The following TNS1 variants were observed in gnomAD, a reference collection of about 807,000 sequenced individuals.
The protein encoded by TNS1 is tensin 1.
Under a neutral mutation model 168.6 loss-of-function variants are expected in TNS1, and 62 were observed. The observed-to-expected ratio is 0.37, with a 90% confidence interval of 0.30 to 0.45. TNS1 has a LOEUF of 0.45. TNS1 is among the 20% of genes least tolerant of loss of function. TNS1 has a pLI of 1.00. For synonymous variants in TNS1, 934 were observed against 933.2 expected, an observed-to-expected ratio of 1.00 and a Z score of -0.02; for missense variants, 2,240 against 2,339.4, an observed-to-expected ratio of 0.96 and a Z score of 0.88.
chr2:218,013,521 T>G (rs1189868136), upstream of TNS1, among the ~76,000 whole-genome samples: 2 of 152,150 alleles, frequency 1.3e-5, no homozygotes, highest in African/African-American at 4.8e-5. Flanking sequence ...GGTCCAACAG[T>G]GGCCCCCAGC....
chr2:217,973,463 C>T (rs140258437), intron 3 of TNS1, among the ~76,000 whole-genome samples: 26 of 152,010 alleles, frequency 1.7e-4, no homozygotes, highest in African/African-American at 4.8e-4. Flanking sequence ...AGATAAGGAC[C>T]CCAATGAGGG....
chr2:217,928,834 C>T (rs1956169235), intron 3 of TNS1, among the ~76,000 whole-genome samples: 1 of 152,214 alleles, frequency 6.6e-6, no homozygotes, highest in Non-Finnish European at 1.5e-5. Flanking sequence ...CACTGACCCC[C>T]CAGCCCACTG....
chr2:217,851,311 A>G (rs1448967043), intron 18 of TNS1, among the ~76,000 whole-genome samples: 3 of 152,160 alleles, frequency 2.0e-5, no homozygotes, highest in African/African-American at 7.2e-5. Context: ...CCATGGCCAA[A>G]AACAAGTGAT....
At chr2:217,947,524 T>C (rs1957140572) in intron 3 of TNS1, among the ~76,000 whole-genome samples, 1 of 151,156 alleles carries the variant, frequency 6.6e-6, no homozygotes. Context: ...AGGAAAGAGA[T>C]GGAGCTGGGG....
intron 3 of TNS1, among the ~76,000 whole-genome samples, chr2:217,929,327 G>C (rs575649231): frequency 6.6e-6 from 1 of 152,208 alleles, no homozygotes; most frequent in Non-Finnish European, 1.5e-5. Context: ...AGCTGGGAGA[G>C]GTGAGGCTGC....
At chr2:217,900,643 C>T (rs1216184473) in intron 6 of TNS1, 131 bp from the exon 7 acceptor site, 1 of 994,108 alleles carries the variant, frequency 1.0e-6, no homozygotes, top group Non-Finnish European at 1.5e-6. Context: ...CCCTGCCACC[C>T]TAACCCCTGC....
intron 16 of TNS1, among the ~76,000 whole-genome samples, chr2:217,882,687 A>T (rs531696676): frequency 6.6e-6 from 1 of 152,048 alleles, no homozygotes; most frequent in Admixed American, 6.5e-5. Flanking sequence ...TACCTCTAAG[A>T]CTCTAAATAA....
chr2:217,959,683 A>G (rs1379337516), intron 3 of TNS1, among the ~76,000 whole-genome samples: 1 of 152,154 alleles, frequency 6.6e-6, no homozygotes, highest in Admixed American at 6.5e-5. Flanking sequence ...TATTATTATT[A>G]TTATTATGGA....
At chr2:217,887,947 C>T (rs1951369204) in intron 12 of TNS1, among the ~76,000 whole-genome samples, 1 of 152,182 alleles carries the variant, frequency 6.6e-6, no homozygotes, top group Admixed American at 6.5e-5. Context: ...CTGCAGGAGC[C>T]AATAGTAGCT....
chr2:217,916,553 T>C (rs903993953), intron 4 of TNS1, among the ~76,000 whole-genome samples: 4 of 152,112 alleles, frequency 2.6e-5, no homozygotes, highest in East Asian at 1.9e-4. Flanking sequence ...GGATCAGGAG[T>C]GTCCGTGGCA....
Position 217,818,069 on chromosome 2 carries a change from C to G in TNS1, c.4263G>C (p.Leu1421Phe). Residue 1421 changes from leucine (L) to phenylalanine (F), a missense_variant, in exon 24 of 33, where the codon TTG becomes TTC. By Grantham distance (22) the Leu-to-Phe change is conservative. This residue lies in a region of TNS1 where 2,131 missense variants were observed against 2,171.2 expected (regional missense o/e 0.98). Coordinates refer to ENST00000682258, the MANE Select transcript of TNS1 (RefSeq NM_001387777.1). Reference protein sequence around the residue: ...SGSVVPGSPCLDRHVAYGGYS... With the variant: ...SGSVVPGSPCFDRHVAYGGYS... ...AGCCACCATAGGCCACATGCCGGTCCAAGCAGGGGCTGCCGGGAACCACAG... is the reference window on the plus strand; with the variant it reads ...AGCCACCATAGGCCACATGCCGGTCGAAGCAGGGGCTGCCGGGAACCACAG... 6.2e-7 allele frequency: 1 copy of G among 1,611,900 alleles called. No individual in the cohort carries two copies. Among genetic ancestry groups the G allele is most frequent in the Non-Finnish European group, 8.5e-7 (1 of 1,179,006 alleles).
In TNS1 at chr2:217,813,910, T is replaced by C; in HGVS notation, c.4730-94A>G. 2 of 1,392,022 alleles carry C rather than the reference T, an allele frequency of 1.4e-6. No homozygotes were observed. Among genetic ancestry groups the C allele is most frequent in the South Asian group, 1.7e-5 (1 of 58,304 alleles). The allele number at this position is 1,392,022 out of a possible 1,614,324, so 86.2% of individuals were successfully genotyped here. A position where few individuals can be genotyped will look rare whatever the true frequency, so the allele number is the denominator to read the frequency against. On this transcript the variant is annotated intron_variant, in intron 25 of 32. Coordinates refer to ENST00000682258, the MANE Select transcript of TNS1 (RefSeq NM_001387777.1). The surrounding 1 kb of genome is among the most constrained non-coding windows in gnomAD (Gnocchi z 4.0). ...CATTGAGCCTACCGACCTTCGTTCTTTCTTAGGTGAGACAAATTTTCTTTA... is the reference window on the plus strand; with the variant it reads ...CATTGAGCCTACCGACCTTCGTTCTCTCTTAGGTGAGACAAATTTTCTTTA...
intron 3 of TNS1, among the ~76,000 whole-genome samples, chr2:217,956,717 A>AGG (rs1957372516): frequency 6.6e-6 from 1 of 152,176 alleles, no homozygotes; most frequent in South Asian, 2.1e-4. Flanking sequence ...TCAGTCAATG[A>AGG]GGTCTAGAGC....
chr2:217,896,096 G>A (rs115665349), intron 8 of TNS1, among the ~76,000 whole-genome samples: 1,931 of 152,322 alleles, frequency 0.013, 51 homozygotes, highest in African/African-American at 0.044. Flanking sequence ...ACAACAATAA[G>A]AGGTAGACCT....
chr2:217,986,046 C>T lies in TNS1; in HGVS notation c.148+4896G>A, dbSNP rs1958185436. Among the ~76,000 whole-genome samples, 1 of 152,166 alleles carries T rather than the reference C, an allele frequency of 6.6e-6. No homozygotes were observed. The highest frequency in any genetic ancestry group is 2.4e-5 in the African/African-American group (1 of 41,438). The stretch of plus-strand genomic sequence containing the variant: ...AGAGCCTCTAATCTCATTAAATAAT[C>T]CCACCTCCTCATTTAGGGAAAAGGG... On this transcript the variant is annotated intron_variant, in intron 2 of 32. Transcript: ENST00000682258. This position sits in a 1 kb window ranked among gnomAD's most constrained non-coding sequence, Gnocchi z 4.7.
intron 8 of TNS1, among the ~76,000 whole-genome samples, chr2:217,897,006 G>C (rs1952380869): frequency 6.6e-6 from 1 of 152,136 alleles, no homozygotes; most frequent in Non-Finnish European, 1.5e-5. Flanking sequence ...TGAGTCCAAA[G>C]AGGTGAAACC....
intron 18 of TNS1, among the ~76,000 whole-genome samples, chr2:217,864,280 G>A (rs1949061143): frequency 6.6e-6 from 1 of 152,220 alleles, no homozygotes. Flanking sequence ...TGGGGCTTTG[G>A]GAGCAAGGGC....
At chr2:217,976,816 A>G (rs573337446) in intron 3 of TNS1, among the ~76,000 whole-genome samples, 1 of 152,176 alleles carries the variant, frequency 6.6e-6, no homozygotes, top group African/African-American at 2.4e-5. Context: ...TCCTAAATAT[A>G]TCCTGCTGCT....
At chr2:217,839,438 C>T (rs188648789) in intron 19 of TNS1, among the ~76,000 whole-genome samples, 1 of 152,094 alleles carries the variant, frequency 6.6e-6, no homozygotes, top group Admixed American at 6.5e-5. Flanking sequence ...CAGAGCAGCC[C>T]CCTTCCCAGG....
Sources: gnomAD v4.1 joint callset for allele counts (sites outside exome capture counted in the v4.1 genomes callset) on GRCh38, gnomAD v4.1.1 for gene constraint, gnomAD v4.1.1 regional missense constraint, Gnocchi (gnomAD v3.1) non-coding constraint, MANE v1.5 for transcripts, NCBI Gene and HGNC (gene_info 2026-07-23, HGNC 2026-07-21) for gene names.